Variants in SLAMF7 observed in about 807,000 individuals in gnomAD.
SLAMF7 encodes the protein SLAM family member 7, also known as 19A24 protein.
Under a neutral mutation model 34.1 loss-of-function variants are expected in SLAMF7, and 26 were observed. That is an observed-to-expected ratio of 0.76 (90% CI 0.56 to 1.06). SLAMF7 has a LOEUF of 1.06. SLAMF7 is among the 50% of genes least tolerant of loss of function. The pLI is 0.00. For synonymous variants in SLAMF7, 171 were observed against 156.4 expected, an observed-to-expected ratio of 1.09 and a Z score of -0.70; for missense variants, 399 against 402.5, an observed-to-expected ratio of 0.99 and a Z score of 0.07.
At chr1:160,745,239 T>G (rs1664033876) in intron 1 of SLAMF7, among the ~76,000 whole-genome samples, 1 of 152,158 alleles carries the variant, frequency 6.6e-6, no homozygotes, top group South Asian at 2.1e-4. Flanking sequence ...CCTGGGGCAC[T>G]GGTAGGGCAG....
chr1:160,751,842 CTCTCTCTCTCTCTCTCTCTCTATATATA>C (rs1430878893), intron 5 of SLAMF7: 7 of 60,980 alleles, frequency 1.1e-4, no homozygotes, highest in African/African-American at 4.3e-4. Context: ...CTCTCTCTCT[CTCTCTCTCTCTCTCTCTCTCTATATATA>C]TATATATATA....
chr1:160,743,207 T>A (rs1226790001), intron 1 of SLAMF7, among the ~76,000 whole-genome samples: 1 of 152,126 alleles, frequency 6.6e-6, no homozygotes, highest in Non-Finnish European at 1.5e-5. Flanking sequence ...AAATTAGTGG[T>A]AAATTTTCAG....
intron 1 of SLAMF7, among the ~76,000 whole-genome samples, chr1:160,741,563 CT>C (rs994261844): frequency 2.6e-5 from 4 of 151,112 alleles, no homozygotes; most frequent in Admixed American, 6.6e-5. Context: ...TTTTTTTTGC[CT>C]TTTTTTTTAA....
At chr1:160,740,808 ATATCAT>A (rs1301539634) in intron 1 of SLAMF7, among the ~76,000 whole-genome samples, 1 of 152,242 alleles carries the variant, frequency 6.6e-6, no homozygotes, top group Non-Finnish European at 1.5e-5. Flanking sequence ...TGTAAGACAG[ATATCAT>A]TATCCCTGTT....
intron 5 of SLAMF7, 169 bp from the exon 6 acceptor site, chr1:160,752,017 A>T: frequency 1.8e-6 from 1 of 551,116 alleles, no homozygotes; most frequent in East Asian, 3.0e-5. Flanking sequence ...GCAGTCACCA[A>T]CAAGAGAACT....
Position 160,754,208 on chromosome 1 carries a change from T to G in SLAMF7, c.*1031T>G, listed in dbSNP as rs1010822253. The G allele has an allele frequency of 6.6e-6, 1 of 152,266 alleles. No homozygotes were observed. The highest frequency in any genetic ancestry group is 6.5e-5 in the Admixed American group (1 of 15,274). 9.4% of individuals were successfully genotyped at this position (152,266 alleles called of 1,614,324 possible). A position where few individuals can be genotyped will look rare whatever the true frequency, so the allele number is the denominator to read the frequency against. ...GGCTCACACCTGTAATCCCAGCACT[T>G]TGGGAGGCCAAGGTGGGTGGGTCAT... is the stretch of plus-strand genomic sequence containing the variant. On this transcript the variant is annotated 3_prime_UTR_variant, in exon 7 of 7. Coordinates refer to ENST00000368043, the MANE Select transcript of SLAMF7 (RefSeq NM_021181.5).
At chr1:160,750,718 C>T (rs969313806) in intron 4 of SLAMF7, 45 of 300,528 alleles carry the variant, frequency 1.5e-4, no homozygotes, top group African/African-American at 9.6e-4. Context: ...TCTGTTGATA[C>T]AGGCCCCACA....
At position 160,750,960 on chromosome 1, in the gene SLAMF7, C is replaced by A. The variant is rs144882815; in HGVS notation, c.770-385C>A. 6.1e-5 allele frequency: 16 copies of A among 261,098 alleles called. No individual in the cohort carries two copies. In the East Asian group the frequency reaches 1.4e-3, roughly 23 times the overall value. The allele number at this position is 261,098 out of a possible 1,614,324, so 16.2% of individuals were successfully genotyped here. On this transcript the variant is annotated intron_variant, in intron 4 of 6. Coordinates refer to ENST00000368043, the MANE Select transcript of SLAMF7 (RefSeq NM_021181.5). ...GCACCCCATCCTGTGTTCCTAAACC[C>A]TGCTGATTGGTCTTCTGGGCTCCCA...
intron 1 of SLAMF7, among the ~76,000 whole-genome samples, chr1:160,741,879 T>C (rs1465317402): frequency 6.6e-6 from 1 of 152,188 alleles, no homozygotes; most frequent in Non-Finnish European, 1.5e-5. Flanking sequence ...ATCTGTGAAA[T>C]GGGATTGGAC....
In SLAMF7 at chr1:160,748,176, G is replaced by A. The variant is rs1317776725; in HGVS notation, c.56-18G>A. 16 of 1,609,050 alleles carry A rather than the reference G, an allele frequency of 9.9e-6. No homozygotes were observed. The highest frequency in any genetic ancestry group is 1.4e-5 in the Non-Finnish European group (16 of 1,177,138). On this transcript the variant is annotated intron_variant, in intron 1 of 6. Coordinates refer to ENST00000368043, the MANE Select transcript of SLAMF7 (RefSeq NM_021181.5). Reference sequence around the variant, plus strand: ...GGACAGGGAATCAGGCTTATTTTATGGTTCTCTGTGTTTATAGGGTCAGCA... The same window carrying A: ...GGACAGGGAATCAGGCTTATTTTATAGTTCTCTGTGTTTATAGGGTCAGCA...
intron 1 of SLAMF7, 124 bp downstream of exon 1, chr1:160,739,480 C>T (rs1663559471): frequency 1.0e-5 from 8 of 790,964 alleles, no homozygotes; most frequent in African/African-American, 1.8e-5. Context: ...CTAACATTTG[C>T]TTTTTATCAA....
intron 1 of SLAMF7, among the ~76,000 whole-genome samples, chr1:160,741,118 T>C (rs971368827): frequency 6.6e-6 from 1 of 152,172 alleles, no homozygotes; most frequent in South Asian, 2.1e-4. Context: ...GTTTCTGGGA[T>C]ATGGGTGTAC....
In SLAMF7 at chr1:160,754,200, C is replaced by G. The variant is rs1664847070; in HGVS notation, c.*1023C>G. On this transcript the variant is annotated 3_prime_UTR_variant, in exon 7 of 7. Transcript: ENST00000368043. Reference sequence around the variant, plus strand: ...GGCATGGTGGCTCACACCTGTAATCCCAGCACTTTGGGAGGCCAAGGTGGG... The same window carrying G: ...GGCATGGTGGCTCACACCTGTAATCGCAGCACTTTGGGAGGCCAAGGTGGG... 1 of 152,238 alleles carries G rather than the reference C, an allele frequency of 6.6e-6. No individual in the cohort carries two copies. Among genetic ancestry groups the G allele is most frequent in the Non-Finnish European group, 1.5e-5 (1 of 68,154 alleles). The allele number at this position is 152,238 out of a possible 1,614,324, so 9.4% of individuals were successfully genotyped here. A position where few individuals can be genotyped will look rare whatever the true frequency, so the allele number is the denominator to read the frequency against.
intron 1 of SLAMF7, among the ~76,000 whole-genome samples, chr1:160,743,851 A>G (rs908417818): frequency 3.3e-5 from 5 of 152,100 alleles, no homozygotes; most frequent in African/African-American, 1.2e-4. Context: ...ACCACGCCCA[A>G]CTAATTTTTT....
At chr1:160,741,252 G>A (rs1330578276) in intron 1 of SLAMF7, among the ~76,000 whole-genome samples, 1 of 152,158 alleles carries the variant, frequency 6.6e-6, no homozygotes, top group Non-Finnish European at 1.5e-5. Context: ...TAGTGTCAAG[G>A]AGACAATCAA....
At chr1:160,750,131 A>G (rs2101677703) in intron 3 of SLAMF7, 38 bp downstream of exon 3, 1 of 1,603,670 alleles carries the variant, frequency 6.2e-7, no homozygotes, top group Non-Finnish European at 8.5e-7. Context: ...GACTCTGCCC[A>G]GGTCCTACAC....
At chr1:160,748,132 G>A in intron 1 of SLAMF7, 62 bp from the exon 2 acceptor site, 1 of 1,540,310 alleles carries the variant, frequency 6.5e-7, no homozygotes, top group East Asian at 2.3e-5. Context: ...ACCCAAAGGG[G>A]GTGAGTAATT....
At chr1:160,750,278 C>T (rs749320049) in intron 3 of SLAMF7, 26 bp from the exon 4 acceptor site, 25 of 1,610,912 alleles carry the variant, frequency 1.6e-5, no homozygotes, top group Non-Finnish European at 2.0e-5. Context: ...TTCTCCCTTC[C>T]CTGTGCCTCC....
At chr1:160,744,497 C>T (rs1663984671) in intron 1 of SLAMF7, among the ~76,000 whole-genome samples, 1 of 152,190 alleles carries the variant, frequency 6.6e-6, no homozygotes, top group East Asian at 1.9e-4. Context: ...TGTATTCTAA[C>T]AAGAAACAAT....
Sources: allele counts gnomAD v4.1 joint callset (sites outside exome capture counted in the v4.1 genomes callset), GRCh38; gene constraint gnomAD v4.1.1; transcripts MANE v1.5; gene names NCBI Gene and HGNC (gene_info 2026-07-23, HGNC 2026-07-21).